SLC22A16: variants seen among roughly 807,000 people sequenced by gnomAD.
SLC22A16 encodes the protein WUGSC:RG331P03.1.
SLC22A16 carries 53 observed loss-of-function variants against 52.9 expected under a neutral mutation model. That is an observed-to-expected ratio of 1.00 (90% CI 0.80 to 1.26). SLC22A16 has a LOEUF of 1.26. Ranked by LOEUF, SLC22A16 falls within the 50% of genes most tolerant of loss-of-function variation. The pLI is 0.00. For synonymous variants in SLC22A16, 291 were observed against 268.8 expected (o/e 1.08, Z -0.81); for missense variants, 726 against 704.0 (o/e 1.03, Z -0.35).
intron 2 of SLC22A16, among the ~76,000 whole-genome samples, chr6:110,453,217 G>A (rs1201807775): frequency 6.6e-6 from 1 of 152,134 alleles, no homozygotes; most frequent in African/African-American, 2.4e-5. Flanking sequence ...AATAGTAAGT[G>A]TGGTTATTTT....
chr6:110,442,744 A>G lies in SLC22A16; in HGVS notation c.683T>C (p.Val228Ala), dbSNP rs1406164831. ...CATGCCAATGAATTCCATCACATAGACAAACCCCACCACAAGATAGCCACT... is the reference window on the plus strand; with the variant it reads ...CATGCCAATGAATTCCATCACATAGGCAAACCCCACCACAAGATAGCCACT... ...VASGYLVVGFVYVMEFIGMKS... is the reference protein window; with the variant it reads ...VASGYLVVGFAYVMEFIGMKS... Residue 228 changes from valine to alanine, a missense_variant, in exon 4 of 8, where the codon GTC (valine) becomes GCC (alanine). Val to Ala is a moderately conservative substitution (Grantham distance 64, BLOSUM62 0). Transcript: ENST00000368919. 1 of 1,613,928 alleles carries G rather than the reference A, an allele frequency of 6.2e-7. No individual in the cohort carries two copies. The highest frequency in any genetic ancestry group is 1.7e-5 in the Admixed American group (1 of 59,980).
At position 110,456,528 on chromosome 6, in the gene SLC22A16, T is replaced by C; in HGVS notation, c.533+10A>G. On this transcript the variant is annotated intron_variant, in intron 2 of 7. Coordinates refer to ENST00000368919, the MANE Select transcript of SLC22A16 (RefSeq NM_033125.4). ...ACACTGATACAACAATCCTAAATATTTGATTTTACCTGTCAGAAAAGTAGC... is the reference window on the plus strand; with the variant it reads ...ACACTGATACAACAATCCTAAATATCTGATTTTACCTGTCAGAAAAGTAGC... 6.2e-7 allele frequency: 1 copy of C among 1,612,722 alleles called. No homozygotes were observed. The highest frequency in any genetic ancestry group is 1.1e-5 in the South Asian group (1 of 91,024).
intron 7 of SLC22A16, among the ~76,000 whole-genome samples, chr6:110,426,560 C>T (rs1181497759): frequency 1.3e-5 from 2 of 152,160 alleles, no homozygotes; most frequent in Non-Finnish European, 2.9e-5. Flanking sequence ...CTCTCACCTC[C>T]TCCTCAGAGA....
At chr6:110,452,799 T>C (rs1391246153) in intron 2 of SLC22A16, among the ~76,000 whole-genome samples, 2 of 152,268 alleles carry the variant, frequency 1.3e-5, no homozygotes, top group East Asian at 3.8e-4. Flanking sequence ...GTTTTTATGA[T>C]GAATGGATTT....
intron 1 of SLC22A16, among the ~76,000 whole-genome samples, chr6:110,472,616 C>G (rs1192354612): frequency 6.6e-6 from 1 of 152,156 alleles, no homozygotes; most frequent in Admixed American, 6.6e-5. Flanking sequence ...TTCCCTTTCC[C>G]TTTTGCAAGA....
intron 2 of SLC22A16, chr6:110,453,485 A>T (rs747123453): frequency 3.4e-5 from 13 of 380,050 alleles, no homozygotes; most frequent in South Asian, 8.0e-5. Flanking sequence ...GCTGGCAAAA[A>T]CACAAGATGT....
rs756602337 is a variant in SLC22A16 at position 110,456,696 on chromosome 6, A to G, written c.375T>C (p.Cys125=). The change falls in exon 2 of 8, where the codon TGT becomes TGC. Residue 125 remains cysteine, a synonymous_variant. Coordinates refer to ENST00000368919, the MANE Select transcript of SLC22A16 (RefSeq NM_033125.4). ...EYTGSKKEFP[C]VDGYIYDQNT... ...TCTGGTCATATATGTAGCCATCCACACAAGGAAACTCTTTCTTACTGCCAG... is the reference window on the plus strand; with the variant it reads ...TCTGGTCATATATGTAGCCATCCACGCAAGGAAACTCTTTCTTACTGCCAG... The G allele has an allele frequency of 8.9e-5, 143 of 1,614,066 alleles. No homozygotes were observed. Among genetic ancestry groups the G allele is most frequent in the Non-Finnish European group, 1.1e-4 (133 of 1,180,046 alleles).
intron 2 of SLC22A16, among the ~76,000 whole-genome samples, chr6:110,452,114 T>C (rs1775401927): frequency 6.6e-6 from 1 of 152,308 alleles, no homozygotes. Context: ...CCTCAATCTG[T>C]TTGTCTAGTG....
At chr6:110,456,358 T>A (rs12189872) in intron 2 of SLC22A16, 180 bp downstream of exon 2, 35,074 of 837,350 alleles carry the variant, frequency 0.042, 1,271 homozygotes, top group African/African-American at 0.16. Flanking sequence ...CTAGGTATAC[T>A]GTCTTCAGAG....
At chr6:110,456,387 C>T (rs994551388) in intron 2 of SLC22A16, 151 bp downstream of exon 2, 6 of 968,704 alleles carry the variant, frequency 6.2e-6, no homozygotes, top group Admixed American at 2.3e-5. Context: ...TATCATTATA[C>T]ATCCCTAAAT....
At chr6:110,460,235 A>G (rs1289883049) in intron 1 of SLC22A16, among the ~76,000 whole-genome samples, 1 of 152,108 alleles carries the variant, frequency 6.6e-6, no homozygotes, top group Non-Finnish European at 1.5e-5. Flanking sequence ...CAGTTCTCAC[A>G]CTTTTTGGTC....
rs1775563475 is a variant in SLC22A16 at position 110,454,837 on chromosome 6, A to G, written c.533+1701T>C. The stretch of plus-strand genomic sequence containing the variant: ...ATATATGTTATATTATATAATATAT[A>G]TATTATAATATATATAATATATGTT... On this transcript the variant is annotated intron_variant, in intron 2 of 7. Coordinates refer to ENST00000368919, the MANE Select transcript of SLC22A16 (RefSeq NM_033125.4). Among the ~76,000 whole-genome samples the G allele has an allele frequency of 3.8e-5, 3 of 78,032 alleles. 1 individual carries two copies. The South Asian group carries it at 8.7e-4, about 23-fold the overall frequency. 51.2% of individuals were successfully genotyped at this position (78,032 alleles called of 152,430 possible). A position where few individuals can be genotyped will look rare whatever the true frequency, so the allele number is the denominator to read the frequency against.
At chr6:110,450,743 T>C (rs1236103609) in intron 2 of SLC22A16, among the ~76,000 whole-genome samples, 1 of 151,996 alleles carries the variant, frequency 6.6e-6, no homozygotes, top group African/African-American at 2.4e-5. Context: ...TTTATTATAA[T>C]ATTTTATACA....
chr6:110,471,759 G>A (rs1284763627), intron 1 of SLC22A16, among the ~76,000 whole-genome samples: 1 of 152,188 alleles, frequency 6.6e-6, no homozygotes, highest in African/African-American at 2.4e-5. Context: ...TAACACAGGT[G>A]TGTTCACTGT....
At chr6:110,473,207 C>G (rs1476293083) in intron 1 of SLC22A16, among the ~76,000 whole-genome samples, 3 of 152,086 alleles carry the variant, frequency 2.0e-5, no homozygotes, top group Non-Finnish European at 2.9e-5. Context: ...CAGAAAAACT[C>G]TATATACTGA....
intron 1 of SLC22A16, among the ~76,000 whole-genome samples, chr6:110,470,774 C>T (rs984457809): frequency 1.3e-5 from 2 of 152,118 alleles, no homozygotes; most frequent in African/African-American, 2.4e-5. Flanking sequence ...TCTTAGCAAT[C>T]GTGATTCAGG....
At chr6:110,455,415 C>T (rs907665620) in intron 2 of SLC22A16, 3 of 152,048 alleles carry the variant, frequency 2.0e-5, no homozygotes, top group African/African-American at 7.2e-5. Context: ...CATAACAAAG[C>T]CCTTTAATTT....
In SLC22A16 at chr6:110,471,604, G is replaced by A. The variant is rs145141371; in HGVS notation, c.53+4918C>T. Among the ~76,000 whole-genome samples, 532 of 152,304 alleles carry A rather than the reference G, an allele frequency of 3.5e-3. 3 individuals carry two copies. Among genetic ancestry groups the A allele is most frequent in the African/African-American group, 0.012 (500 of 41,570 alleles). On this transcript the variant is annotated intron_variant, in intron 1 of 7. Coordinates refer to ENST00000368919, the MANE Select transcript of SLC22A16 (RefSeq NM_033125.4). ...GGGTGGATCTCACAAACACAGTGTGGAACAAAAGAAGCCAAAGGGCAAGTG... is the reference window on the plus strand; with the variant it reads ...GGGTGGATCTCACAAACACAGTGTGAAACAAAAGAAGCCAAAGGGCAAGTG...
intron 7 of SLC22A16, 181 bp from the exon 8 acceptor site, chr6:110,425,266 T>A: frequency 6.6e-7 from 1 of 1,512,582 alleles, no homozygotes. Context: ...CTTTTCCTCA[T>A]CAACGAGGTT....
Sources: gnomAD v4.1 joint callset for allele counts (sites outside exome capture counted in the v4.1 genomes callset) on GRCh38, gnomAD v4.1.1 for gene constraint, MANE v1.5 for transcripts, NCBI Gene and HGNC (gene_info 2026-07-23, HGNC 2026-07-21) for gene names.